ATP8A2: variants seen among roughly 807,000 people sequenced by gnomAD.
The protein encoded by ATP8A2 is ATPase phospholipid transporting 8A2, also known as phospholipid-transporting ATPase IB.
A neutral mutation model predicts 165.6 loss-of-function variants in ATP8A2; 100 were observed. That is an observed-to-expected ratio of 0.60 (90% CI 0.51 to 0.71). ATP8A2 has a LOEUF of 0.71. Among genes scored for constraint, ATP8A2 ranks in the 30% least tolerant of loss-of-function variants. ATP8A2 has a pLI of 0.00. For missense variants in ATP8A2, 1,227 were observed against 1,479.5 expected, an observed-to-expected ratio of 0.83 and a Z score of 2.80; for synonymous variants, 543 against 548.8, an observed-to-expected ratio of 0.99 and a Z score of 0.15.
intron 33 of ATP8A2, among the ~76,000 whole-genome samples, chr13:25,898,807 G>A (rs543474299): frequency 1.1e-4 from 16 of 152,210 alleles, no homozygotes; most frequent in Non-Finnish European, 2.1e-4. Flanking sequence ...ACGAGGCTCC[G>A]TGGGCATAGA....
At chr13:25,562,851 G>T (rs955872068) in intron 15 of ATP8A2, among the ~76,000 whole-genome samples, 1 of 152,156 alleles carries the variant, frequency 6.6e-6, no homozygotes. Flanking sequence ...CGCATGGGAT[G>T]TGAGGATTCT....
At chr13:25,831,353 T>C (rs1951464710) in intron 28 of ATP8A2, among the ~76,000 whole-genome samples, 1 of 151,992 alleles carries the variant, frequency 6.6e-6, no homozygotes, top group Middle Eastern at 3.4e-3. Context: ...TAGCTGGGAT[T>C]ACAGTCGCCC....
chr13:25,705,006 AGAC>A (rs2043027042), intron 25 of ATP8A2, among the ~76,000 whole-genome samples: 1 of 152,220 alleles, frequency 6.6e-6, no homozygotes. Flanking sequence ...TTATATGTTT[AGAC>A]TTATTCAAGA....
intron 24 of ATP8A2, among the ~76,000 whole-genome samples, chr13:25,607,256 C>T (rs1241179002): frequency 1.3e-5 from 2 of 152,122 alleles, no homozygotes; most frequent in Non-Finnish European, 1.5e-5. Flanking sequence ...GACTGCTGCC[C>T]TAGGACAAGG....
In ATP8A2 at chr13:25,902,616, C is replaced by T. The variant is rs115379620; in HGVS notation, c.3183+40208C>T. Among the ~76,000 whole-genome samples the T allele has an allele frequency of 9.5e-3, 1,437 of 150,886 alleles. 22 individuals carry two copies. Among genetic ancestry groups the T allele is most frequent in the African/African-American group, 0.034 (1,381 of 41,206 alleles). ...GAATTCCCCAAGACTGTCCATTCTG[C>T]GTGTGTGTATGCACGTGTGTGTGCA... On this transcript the variant is annotated intron_variant, in intron 33 of 36. Coordinates refer to ENST00000381655, the MANE Select transcript of ATP8A2 (RefSeq NM_016529.6).
chr13:25,925,004 C>G (rs1954559942), intron 33 of ATP8A2, among the ~76,000 whole-genome samples: 1 of 152,154 alleles, frequency 6.6e-6, no homozygotes, highest in African/African-American at 2.4e-5. Context: ...ATAGATTAAC[C>G]AGTCTCAGAT....
chr13:25,824,844 C>T (rs1388427598), intron 27 of ATP8A2, among the ~76,000 whole-genome samples: 1 of 152,034 alleles, frequency 6.6e-6, no homozygotes, highest in Admixed American at 6.5e-5. Context: ...AAGCATATTG[C>T]CCTTCAGCTT....
rs1354660526 is a variant in ATP8A2 at position 25,846,604 on chromosome 13, TC to T, written c.2956+6982del. 2.6e-5 allele frequency among the ~76,000 whole-genome samples: 4 copies of T among 152,330 alleles called. No individual in the cohort carries two copies. The East Asian group carries it at 7.7e-4, about 29-fold the overall frequency. ...AGTGGAGATAGAGAAGTCAGACCTT[TC>T]CAGGCCTTTTGGAATAAATGAGCCT... is the stretch of plus-strand genomic sequence containing the variant. On this transcript the variant is annotated intron_variant, in intron 30 of 36. Coordinates refer to ENST00000381655, the MANE Select transcript of ATP8A2 (RefSeq NM_016529.6).
chr13:25,827,605 T>C (rs773654889), intron 27 of ATP8A2, among the ~76,000 whole-genome samples: 1 of 152,260 alleles, frequency 6.6e-6, no homozygotes, highest in Non-Finnish European at 1.5e-5. Context: ...ATGTTTCTTT[T>C]ATATGATTGT....
intron 28 of ATP8A2, among the ~76,000 whole-genome samples, chr13:25,832,602 T>C (rs1467917709): frequency 3.3e-5 from 5 of 152,084 alleles, no homozygotes; most frequent in Non-Finnish European, 7.4e-5. Flanking sequence ...AAAAACATGA[T>C]CCCATCAGCA....
rs184890105 is a variant in ATP8A2, at chr13:25,938,628, C to T, written c.3184-22947C>T. ...TGGATCGCCAGCTCCTTTCATGGGT[C>T]TCCCAGGAGCCTCTAGGCCCAAGCT... On this transcript the variant is annotated intron_variant, in intron 33 of 36. Transcript: ENST00000381655. 1.4e-4 allele frequency among the ~76,000 whole-genome samples: 21 copies of T among 152,222 alleles called. No individual in the cohort carries two copies. The East Asian group carries it at 3.9e-3, about 28-fold the overall frequency.
intron 33 of ATP8A2, among the ~76,000 whole-genome samples, chr13:25,916,819 T>C (rs1954281701): frequency 6.6e-6 from 1 of 151,240 alleles, no homozygotes; most frequent in Admixed American, 6.6e-5. Flanking sequence ...TGGTTGTATT[T>C]GTAAATTAGT....
At chr13:25,570,016 A>G (rs2039420231) in intron 16 of ATP8A2, among the ~76,000 whole-genome samples, 1 of 152,166 alleles carries the variant, frequency 6.6e-6, no homozygotes, top group Non-Finnish European at 1.5e-5. Context: ...TTATTTTCCC[A>G]CTAGTTATGA....
At chr13:25,962,142 C>G (rs1324246540) in intron 34 of ATP8A2, among the ~76,000 whole-genome samples, 1 of 152,120 alleles carries the variant, frequency 6.6e-6, no homozygotes, top group Non-Finnish European at 1.5e-5. Context: ...GAGTACACAC[C>G]CATTCCATCA....
In ATP8A2 at chr13:25,482,504, C is replaced by T. The variant is rs1042878366; in HGVS notation, c.221+13383C>T. 4.6e-5 allele frequency among the ~76,000 whole-genome samples: 7 copies of T among 151,978 alleles called. No individual in the cohort carries two copies. The South Asian group carries it at 1.2e-3, about 27-fold the overall frequency. The stretch of plus-strand genomic sequence containing the variant: ...GGTGGGGCTTGGTGGGGAGGGCAGG[C>T]CAGACATGGGGAACCCCATGTGCAG... On this transcript the variant is annotated intron_variant, in intron 2 of 36. Coordinates refer to ENST00000381655, the MANE Select transcript of ATP8A2 (RefSeq NM_016529.6).
chr13:25,857,143 C>A (rs1463346059), intron 30 of ATP8A2, among the ~76,000 whole-genome samples: 1 of 152,202 alleles, frequency 6.6e-6, no homozygotes, highest in African/African-American at 2.4e-5. Context: ...TCTCCCAGTG[C>A]CTGCAGCCCC....
intron 33 of ATP8A2, among the ~76,000 whole-genome samples, chr13:25,883,799 G>A (rs777976098): frequency 1.5e-4 from 23 of 152,172 alleles, no homozygotes; most frequent in Non-Finnish European, 2.9e-4. Flanking sequence ...ACTGCCTGAA[G>A]CATGTGTGGA....
chr13:25,998,659 C>T (rs1746131091), intron 35 of ATP8A2, among the ~76,000 whole-genome samples: 1 of 152,164 alleles, frequency 6.6e-6, no homozygotes. Flanking sequence ...TGCTACAAGC[C>T]TCTCTTCTCT....
At position 25,578,953 on chromosome 13, in the gene ATP8A2, A is replaced by G. The variant is rs367701379; in HGVS notation, c.1867+54A>G. The G allele has an allele frequency of 6.7e-6, 8 of 1,191,512 alleles. No homozygotes were observed. The African/African-American group carries it at 1.2e-4, about 18-fold the overall frequency. The allele number at this position is 1,191,512 out of a possible 1,614,324, so 73.8% of individuals were successfully genotyped here. A position where few individuals can be genotyped will look rare whatever the true frequency, so the allele number is the denominator to read the frequency against. On this transcript the variant is annotated intron_variant, in intron 21 of 36. Transcript: ENST00000381655. The stretch of plus-strand genomic sequence containing the variant: ...GGCCATTGGAGCTGTACTTTCAAGC[A>G]TGTTGTCTTGATTTCCAGGGGCACA...
Sources: gnomAD v4.1 joint callset for allele counts (sites outside exome capture counted in the v4.1 genomes callset) on GRCh38, gnomAD v4.1.1 for gene constraint, MANE v1.5 for transcripts, NCBI Gene and HGNC (gene_info 2026-07-23, HGNC 2026-07-21) for gene names.